The following CACNA1A variants were observed in gnomAD, a reference collection of about 807,000 sequenced individuals.
CACNA1A encodes the protein voltage-dependent P/Q-type calcium channel subunit alpha-1A.
A neutral mutation model predicts 262.4 loss-of-function variants in CACNA1A; 57 were observed. The observed-to-expected ratio is 0.22, with a 90% CI of 0.18 to 0.27. The LOEUF (loss-of-function observed/expected upper bound fraction) is 0.27, where lower values mean the gene tolerates loss of function less well. Among genes scored for constraint, CACNA1A ranks in the 10% least tolerant of loss-of-function variants. The probability of loss-of-function intolerance (pLI) is 1.00; values close to 1 mark genes in which losing one functional copy is unlikely to be tolerated. For synonymous variants in CACNA1A, 1,431 were observed against 1,419.3 expected (o/e 1.01, Z -0.18); for missense variants, 2,526 against 3,562.8 (o/e 0.71, Z 7.41).
Position 13,245,162 on chromosome 19 carries a change from G to A in CACNA1A, c.4950+20C>T, listed in dbSNP as rs934840591. On this transcript the variant is annotated intron_variant, in intron 31 of 46. Transcript: ENST00000360228. Reference sequence around the variant, plus strand: ...CGTCCAGCCCAGAGTCACCCAGAGAGAAGCTGGAGGGAGACTTACCCCAAA... The same window carrying A: ...CGTCCAGCCCAGAGTCACCCAGAGAAAAGCTGGAGGGAGACTTACCCCAAA... 1 of 1,600,474 alleles carries A rather than the reference G, an allele frequency of 6.2e-7. No homozygotes were observed. The highest frequency in any genetic ancestry group is 8.6e-7 in the Non-Finnish European group (1 of 1,167,666).
At chr19:13,477,793 A>T (rs975945811) in intron 1 of CACNA1A, among the ~76,000 whole-genome samples, 2 of 152,202 alleles carry the variant, frequency 1.3e-5, no homozygotes, top group African/African-American at 4.8e-5. Flanking sequence ...ACATGCCTTC[A>T]ACTATGATCT....
chr19:13,402,745 C>CAT (rs1280765021), intron 3 of CACNA1A, among the ~76,000 whole-genome samples: 2 of 143,246 alleles, frequency 1.4e-5, no homozygotes, highest in East Asian at 2.0e-4. Context: ...TATATATACA[C>CAT]ATATATATAC....
intron 24 of CACNA1A, among the ~76,000 whole-genome samples, chr19:13,267,825 G>A (rs2056900780): frequency 6.6e-6 from 1 of 151,814 alleles, no homozygotes; most frequent in Non-Finnish European, 1.5e-5. Flanking sequence ...CTGTTGCCCA[G>A]GCTGCAGTGC....
intron 3 of CACNA1A, among the ~76,000 whole-genome samples, chr19:13,445,657 T>C (rs1261767844): frequency 6.6e-6 from 1 of 152,214 alleles, no homozygotes; most frequent in Non-Finnish European, 1.5e-5. Context: ...TCAATATTTA[T>C]ATATATTTGA....
intron 3 of CACNA1A, chr19:13,451,961 C>T (rs2060923497): frequency 6.6e-6 from 1 of 152,064 alleles, no homozygotes; most frequent in Non-Finnish European, 1.5e-5. Context: ...AAGCAATTCT[C>T]CCAGGCATGT....
chr19:13,321,355 G>A (rs900484340), intron 10 of CACNA1A, among the ~76,000 whole-genome samples: 1 of 152,056 alleles, frequency 6.6e-6, no homozygotes, highest in Non-Finnish European at 1.5e-5. Context: ...ATGTTCTATG[G>A]TGGGGGAAGG....
At chr19:13,503,890 A>T (rs1255380511) in intron 1 of CACNA1A, among the ~76,000 whole-genome samples, 1 of 151,912 alleles carries the variant, frequency 6.6e-6, no homozygotes. Context: ...CTCGCAATTC[A>T]CCTGCCTCCC....
At chr19:13,455,285 C>T (rs1568662191) in intron 1 of CACNA1A, 73 bp from the exon 2 acceptor site, 6 of 849,480 alleles carry the variant, frequency 7.1e-6, no homozygotes, top group Non-Finnish European at 1.2e-5. Context: ...CCCCACTGAC[C>T]CCAGTGGAAA....
At chr19:13,290,049 C>T (rs1012897296) in intron 19 of CACNA1A, among the ~76,000 whole-genome samples, 1 of 151,728 alleles carries the variant, frequency 6.6e-6, no homozygotes, top group African/African-American at 2.4e-5. Flanking sequence ...CTGCCTCAGC[C>T]TCCAGAGTAG....
At chr19:13,342,330 G>A (rs544755422) in intron 6 of CACNA1A, among the ~76,000 whole-genome samples, 7 of 152,306 alleles carry the variant, frequency 4.6e-5, no homozygotes, top group African/African-American at 1.7e-4. Context: ...TGGGGTCACA[G>A]ATCTCTTCTC....
intron 3 of CACNA1A, among the ~76,000 whole-genome samples, chr19:13,402,520 C>A (rs537384050): frequency 8.0e-5 from 12 of 150,774 alleles, no homozygotes; most frequent in Non-Finnish European, 1.0e-4. Context: ...CCACCTGTAC[C>A]CCAATAACTT....
At chr19:13,421,662 G>A (rs2112464) in intron 3 of CACNA1A, among the ~76,000 whole-genome samples, 6 of 152,076 alleles carry the variant, frequency 3.9e-5, no homozygotes, top group Non-Finnish European at 8.8e-5. Flanking sequence ...TTTCACCATG[G>A]AAAGATGCAG....
chr19:13,292,724 G>A (rs1024948280), intron 19 of CACNA1A, among the ~76,000 whole-genome samples: 16 of 152,168 alleles, frequency 1.1e-4, no homozygotes, highest in Non-Finnish European at 1.9e-4. Context: ...GCAGACCTCC[G>A]AAGGCCACTG....
chr19:13,369,316 C>T (rs115844380), intron 4 of CACNA1A, among the ~76,000 whole-genome samples: 15 of 152,270 alleles, frequency 9.9e-5, no homozygotes, highest in African/African-American at 3.6e-4. Flanking sequence ...AAAAGGCCGG[C>T]ATCCTTGCCA....
At chr19:13,427,945 G>GT (rs1407114894) in intron 3 of CACNA1A, among the ~76,000 whole-genome samples, 4,436 of 150,868 alleles carry the variant, frequency 0.029, 200 homozygotes, top group African/African-American at 0.098. Context: ...ATAACAGGTT[G>GT]TTTTTTTTTG....
chr19:13,414,497 G>A (rs1389371760), intron 3 of CACNA1A, among the ~76,000 whole-genome samples: 1 of 152,164 alleles, frequency 6.6e-6, no homozygotes, highest in Admixed American at 6.6e-5. Context: ...ACCAGGGAAT[G>A]TTGGAGACAC....
chr19:13,207,137 G>A lies in CACNA1A; in HGVS notation c.*176C>T. 1.6e-6 allele frequency: 1 copy of A among 640,222 alleles called. No individual in the cohort carries two copies. Among genetic ancestry groups the A allele is most frequent in the Non-Finnish European group, 2.4e-6 (1 of 419,632 alleles). 39.7% of individuals were successfully genotyped at this position (640,222 alleles called of 1,614,324 possible). ...GCCCAGGAGGGTCTCTTTTGGCCGA[G>A]GGTCTCTGCGGGACACCCTTGTGGC... On this transcript the variant is annotated 3_prime_UTR_variant, in exon 47 of 47. Coordinates refer to ENST00000360228, the MANE Select transcript of CACNA1A (RefSeq NM_001127222.2). The surrounding 1 kb of genome is among the most constrained non-coding windows in gnomAD (Gnocchi z 5.7).
In CACNA1A at chr19:13,373,240, A is replaced by C. The variant is rs190601053; in HGVS notation, c.540-1461T>G. On this transcript the variant is annotated intron_variant, in intron 3 of 46. Transcript: ENST00000360228. ...TGGTGCAATCATAGCTCGCTACAGCATTGAACTCCTGGGCTCAAGCAATCC... is the reference window on the plus strand; with the variant it reads ...TGGTGCAATCATAGCTCGCTACAGCCTTGAACTCCTGGGCTCAAGCAATCC... 7.2e-5 allele frequency among the ~76,000 whole-genome samples: 11 copies of C among 152,304 alleles called. 1 individual carries two copies. The highest frequency in any genetic ancestry group is 2.4e-4 in the African/African-American group (10 of 41,568).
intron 24 of CACNA1A, among the ~76,000 whole-genome samples, chr19:13,265,482 G>A (rs966976373): frequency 2.0e-5 from 3 of 152,168 alleles, no homozygotes; most frequent in Non-Finnish European, 4.4e-5. Flanking sequence ...TATACTCCAG[G>A]ATTCAGAACT....
Sources: gnomAD v4.1 joint callset for allele counts (sites outside exome capture counted in the v4.1 genomes callset) on GRCh38, gnomAD v4.1.1 for gene constraint, Gnocchi (gnomAD v3.1) non-coding constraint, MANE v1.5 for transcripts, NCBI Gene and HGNC (gene_info 2026-07-23, HGNC 2026-07-21) for gene names.